ULK3: variants seen among roughly 807,000 people sequenced by gnomAD.
The protein encoded by ULK3 is unc-51 like kinase 3, also known as serine/threonine-protein kinase ULK3.
In ULK3, 54 loss-of-function variants were observed where a neutral mutation model predicts 69.4. The observed-to-expected ratio is 0.78, with a 90% CI of 0.63 to 0.98. ULK3 has a LOEUF of 0.98. ULK3 is among the 50% of genes least tolerant of loss of function. The pLI is 0.00. For missense variants in ULK3, 558 were observed against 627.7 expected (o/e 0.89, Z 1.19); for synonymous variants, 240 against 254.5 (o/e 0.94, Z 0.54).
intron 13 of ULK3, 97 bp from the exon 14 acceptor site, chr15:74,837,895 C>T: frequency 7.5e-7 from 1 of 1,326,550 alleles, no homozygotes; most frequent in Non-Finnish European, 1.1e-6. Flanking sequence ...CTCCAGAACC[C>T]TCTGCCCCAT....
Position 74,837,651 on chromosome 15 carries a change from C to T in ULK3, c.1335+100G>A, listed in dbSNP as rs2064068787. 30 of 1,407,228 alleles carry T rather than the reference C, an allele frequency of 2.1e-5. No individual in the cohort carries two copies. The South Asian group carries it at 3.1e-4, about 15-fold the overall frequency. The allele number at this position is 1,407,228 out of a possible 1,614,324, so 87.2% of individuals were successfully genotyped here. A position where few individuals can be genotyped will look rare whatever the true frequency, so the allele number is the denominator to read the frequency against. On this transcript the variant is annotated intron_variant, in intron 14 of 15. Transcript: ENST00000440863. ...GGGACAGGGAGGCCTGCAGAGGAGGCGAGAGAGCAGACATACACCAGCAGG... is the reference window on the plus strand; with the variant it reads ...GGGACAGGGAGGCCTGCAGAGGAGGTGAGAGAGCAGACATACACCAGCAGG...
At position 74,842,894 on chromosome 15, in the gene ULK3, G is replaced by C; in HGVS notation, c.102+110C>G. The C allele has an allele frequency of 7.3e-7, 1 of 1,365,204 alleles. No individual in the cohort carries two copies. The highest frequency in any genetic ancestry group is 1.4e-5 in the South Asian group (1 of 71,044). 84.6% of individuals were successfully genotyped at this position (1,365,204 alleles called of 1,614,324 possible). On this transcript the variant is annotated intron_variant, in intron 1 of 15. Transcript: ENST00000440863. The surrounding 1 kb of genome is among the most constrained non-coding windows in gnomAD (Gnocchi z 4.9). ...GCCGAGGGTCAGCTGGGGCGAGGCC[G>C]GCCTCCCGCCCCTAACTATTCCCAC...
In ULK3 at chr15:74,842,962, G is replaced by A. The variant is rs1045208847; in HGVS notation, c.102+42C>T. ...AGAGTCTCCCCGGCCGGCACCAGCC[G>A]AGCTAGCTCGGGCGGGCACGGGGCC... On this transcript the variant is annotated intron_variant, in intron 1 of 15. Coordinates refer to ENST00000440863, the MANE Select transcript of ULK3 (RefSeq NM_001099436.4). This position sits in a 1 kb window ranked among gnomAD's most constrained non-coding sequence, Gnocchi z 4.9. 11 of 1,533,128 alleles carry A rather than the reference G, an allele frequency of 7.2e-6. No homozygotes were observed. Among genetic ancestry groups the A allele is most frequent in the African/African-American group, 2.8e-5 (2 of 72,528 alleles). The allele number at this position is 1,533,128 out of a possible 1,614,324, so 95.0% of individuals were successfully genotyped here.
Position 74,839,694 on chromosome 15 carries a change from A to C in ULK3, c.716T>G (p.Leu239Arg). 1.3e-6 allele frequency: 2 copies of C among 1,550,832 alleles called. No homozygotes were observed. The highest frequency in any genetic ancestry group is 8.7e-7 in the Non-Finnish European group (1 of 1,150,548). Reference protein sequence around the residue: ...RVIELPLRPLLSRDCRDLLQR... With the variant: ...RVIELPLRPLRSRDCRDLLQR... ...CAGTAGGTCCCGGCAGTCTCGGGAGAGCAGGGGCCGCAAGGGGAGCTGCAG... is the reference window on the plus strand; with the variant it reads ...CAGTAGGTCCCGGCAGTCTCGGGAGCGCAGGGGCCGCAAGGGGAGCTGCAG... Residue 239 changes from leucine to arginine, a missense_variant, in exon 7 of 16, where the codon CTC becomes CGC. By Grantham distance (102) the Leu-to-Arg change is moderately radical. Transcript: ENST00000440863.
chr15:74,837,043 AC>A lies in ULK3; in HGVS notation c.*184del, dbSNP rs1431859599. On this transcript the variant is annotated 3_prime_UTR_variant, in exon 16 of 16. Transcript: ENST00000440863. ...CTCCAGTATACAGCACAGCCATCAA[AC>A]CATCTGTGGGGTGCAGAGTAACCTG... is the stretch of plus-strand genomic sequence containing the variant. 6 of 754,726 alleles carry A rather than the reference AC, an allele frequency of 7.9e-6. No individual in the cohort carries two copies. Among genetic ancestry groups the A allele is most frequent in the Middle Eastern group, 7.9e-4 (2 of 2,538 alleles). The allele number at this position is 754,726 out of a possible 1,614,324, so 46.8% of individuals were successfully genotyped here. A position where few individuals can be genotyped will look rare whatever the true frequency, so the allele number is the denominator to read the frequency against.
Position 74,838,141 on chromosome 15 carries a change from T to A in ULK3, c.1287+11A>T. ...AGGAAGCCCCCCAACCCTCTCAAGC[T>A]CAGTGGGCACCTCAGTGTGAAGCAG... On this transcript the variant is annotated intron_variant, in intron 13 of 15. Transcript: ENST00000440863. The A allele has an allele frequency of 6.4e-7, 1 of 1,553,694 alleles. No individual in the cohort carries two copies. The highest frequency in any genetic ancestry group is 8.7e-7 in the Non-Finnish European group (1 of 1,149,190).
intron 14 of ULK3, 129 bp downstream of exon 14, chr15:74,837,622 T>C: frequency 7.3e-7 from 1 of 1,362,056 alleles, no homozygotes; most frequent in East Asian, 2.5e-5. Context: ...GAAGGGCAGA[T>C]ACAGGGACAG....
At chr15:74,837,841 G>A (rs765743794) in intron 13 of ULK3, 43 bp from the exon 14 acceptor site, 109 of 1,544,952 alleles carry the variant, frequency 7.1e-5, no homozygotes, top group South Asian at 1.4e-4. Context: ...GGAGAGTGGC[G>A]GGGGGTGGGG....
In ULK3 at chr15:74,840,266, C is replaced by G. The variant is rs775377308; in HGVS notation, c.664G>C (p.Glu222Gln). 3.7e-6 allele frequency: 6 copies of G among 1,611,220 alleles called. No homozygotes were observed. Among genetic ancestry groups the G allele is most frequent in the Non-Finnish European group, 5.1e-6 (6 of 1,178,846 alleles). Residue 222 changes from glutamate (E) to glutamine (Q), a missense_variant, in exon 6 of 16, where the codon GAA becomes CAA. Transcript: ENST00000440863. ...ACCCGGTTGCTACGGATCTTCTCTT[C>G]CAGCTCCGAGAACGACCTGGAGGCA... ...PFASRSFSEL[E>Q]EKIRSNRVIE... is the part of the protein sequence containing the mutation.
rs535386277 is a variant in ULK3 at position 74,836,853 on chromosome 15, G to A, written c.*375C>T. On this transcript the variant is annotated 3_prime_UTR_variant, in exon 16 of 16. Coordinates refer to ENST00000440863, the MANE Select transcript of ULK3 (RefSeq NM_001099436.4). This position sits in a 1 kb window ranked among gnomAD's most constrained non-coding sequence, Gnocchi z 4.0. ...GGGCACAGCTGCCTGCTGGCAGGGCGAGGGCAAGCACAGAAGTACCCTGCG... is the reference window on the plus strand; with the variant it reads ...GGGCACAGCTGCCTGCTGGCAGGGCAAGGGCAAGCACAGAAGTACCCTGCG... The A allele has an allele frequency of 5.2e-5, 10 of 191,434 alleles. No individual in the cohort carries two copies. The highest frequency in any genetic ancestry group is 1.9e-4 in the African/African-American group (8 of 43,012). The allele number at this position is 191,434 out of a possible 1,614,324, so 11.9% of individuals were successfully genotyped here. A position where few individuals can be genotyped will look rare whatever the true frequency, so the allele number is the denominator to read the frequency against.
At chr15:74,841,318 C>T (rs866814358) in intron 4 of ULK3, 87 bp downstream of exon 4, 1 of 1,123,530 alleles carries the variant, frequency 8.9e-7, no homozygotes, top group Middle Eastern at 2.0e-4. Context: ...TAGAGGGCTC[C>T]ATAAGAACCA....
Position 74,842,396 on chromosome 15 carries a change from T to G in ULK3, c.127A>C (p.Ile43Leu), listed in dbSNP as rs201366940. 1 of 1,614,022 alleles carries G rather than the reference T, an allele frequency of 6.2e-7. No individual in the cohort carries two copies. Among genetic ancestry groups the G allele is most frequent in the African/African-American group, 1.3e-5 (1 of 75,076 alleles). ...AKKDTREVVAIKCVAKKSLNK... is the reference protein window; with the variant it reads ...AKKDTREVVALKCVAKKSLNK... ...AGACTTTTCTTGGCTACACACTTTA[T>G]GGCTACCACTTCACGAGTGTCCTTC... The change falls in exon 2 of 16, where the codon ATA becomes CTA. Residue 43 changes from isoleucine (I) to leucine (L), a missense_variant. By Grantham distance (5) the Ile-to-Leu change is conservative. Transcript: ENST00000440863. The surrounding 1 kb of genome is among the most constrained non-coding windows in gnomAD (Gnocchi z 4.9).
Position 74,841,409 on chromosome 15 carries a change from C to T in ULK3, c.465G>A (p.Leu155=). 1 of 1,613,634 alleles carries T rather than the reference C, an allele frequency of 6.2e-7. No individual in the cohort carries two copies. ...CCTGCTGTTTCAGACACAGACCTGC[C>T]AGTTTTAGGTGGGGCTTCTCCAAGG... ...LSSLEKPHLK[L]ADFGFAQHMS... The change falls in exon 4 of 16, where the codon CTG becomes CTA. Residue 155 remains leucine, a synonymous_variant. Coordinates refer to ENST00000440863, the MANE Select transcript of ULK3 (RefSeq NM_001099436.4).
intron 4 of ULK3, 98 bp downstream of exon 4, chr15:74,841,307 A>G (rs2064236709): frequency 3.0e-6 from 3 of 1,003,320 alleles, no homozygotes; most frequent in African/African-American, 1.6e-5. Flanking sequence ...TGAGGACTCT[A>G]TAGAGGGCTC....
rs768890263 is a variant in ULK3, at chr15:74,840,482, G to A, written c.613+16C>T. ...CTGTAGGCCTCAGGGTGAGAAGCAGGGAAAAGAGGTCTCACCATACAGGAT... is the reference window on the plus strand; with the variant it reads ...CTGTAGGCCTCAGGGTGAGAAGCAGAGAAAAGAGGTCTCACCATACAGGAT... On this transcript the variant is annotated intron_variant, in intron 5 of 15. Transcript: ENST00000440863. The A allele has an allele frequency of 2.5e-6, 4 of 1,599,160 alleles. No homozygotes were observed. The highest frequency in any genetic ancestry group is 2.7e-5 in the African/African-American group (2 of 74,580).
intron 13 of ULK3, 51 bp from the exon 14 acceptor site, chr15:74,837,849 G>A: frequency 1.3e-6 from 2 of 1,518,724 alleles, no homozygotes; most frequent in Non-Finnish European, 1.8e-6. Context: ...GCGGGGGGTG[G>A]GGTTTCAAAG....
chr15:74,840,142 C>T (rs1026865868), intron 6 of ULK3, 92 bp downstream of exon 6: 26 of 1,446,886 alleles, frequency 1.8e-5, no homozygotes, highest in Non-Finnish European at 1.9e-6. Flanking sequence ...GGAGCCCATA[C>T]TCCAGTCTCT....
At position 74,842,828 on chromosome 15, in the gene ULK3, C is replaced by T; in HGVS notation, c.102+176G>A. The T allele has an allele frequency of 7.3e-7, 1 of 1,370,384 alleles. No individual in the cohort carries two copies. Among genetic ancestry groups the T allele is most frequent in the Non-Finnish European group, 9.8e-7 (1 of 1,023,928 alleles). 84.9% of individuals were successfully genotyped at this position (1,370,384 alleles called of 1,614,324 possible). ...CTGACCCTGCAGGTGGGTGCAGGTG[C>T]GCTCTTTAAGACCTAAGCGTGGCAG... On this transcript the variant is annotated intron_variant, in intron 1 of 15. Coordinates refer to ENST00000440863, the MANE Select transcript of ULK3 (RefSeq NM_001099436.4). This position sits in a 1 kb window ranked among gnomAD's most constrained non-coding sequence, Gnocchi z 4.9.
At chr15:74,838,592 T>C in intron 10 of ULK3, 51 bp downstream of exon 10, 2 of 1,575,782 alleles carry the variant, frequency 1.3e-6, no homozygotes, top group Non-Finnish European at 1.7e-6. Context: ...CCCCTCAGGC[T>C]GTGGGGAGGT....
Sources: allele counts gnomAD v4.1 joint callset, GRCh38; gene constraint gnomAD v4.1.1; non-coding constraint Gnocchi (gnomAD v3.1); transcripts MANE v1.5; gene names NCBI Gene and HGNC (gene_info 2026-07-23, HGNC 2026-07-21).